CEP63: variants seen among roughly 807,000 people sequenced by gnomAD.
CEP63 encodes the protein centrosomal protein 63.
A neutral mutation model predicts 89.1 loss-of-function variants in CEP63; 84 were observed. The ratio of observed to expected loss-of-function variants is 0.94; its 90% CI spans 0.79 to 1.13. The LOEUF (loss-of-function observed/expected upper bound fraction) is 1.13. Among genes scored for constraint, CEP63 ranks in the 50% most tolerant of loss-of-function variants. The probability of loss-of-function intolerance (pLI) is 0.00; values close to 1 mark genes in which losing one functional copy is unlikely to be tolerated. For missense variants in CEP63, 838 were observed against 813.3 expected, an observed-to-expected ratio of 1.03 and a Z score of -0.37; for synonymous variants, 267 against 272.5, an observed-to-expected ratio of 0.98 and a Z score of 0.20.
chr3:134,651,328 T>C, the CEP63 span: 338 of 1,163,322 alleles, frequency 2.9e-4, no homozygotes, highest in African/African-American at 5.2e-3. Flanking sequence ...CTCCAGGGCT[T>C]CTCTGGCTGA....
chr3:134,532,753 A>T, intron 4 of CEP63, 25 bp from the exon 5 acceptor site: 1 of 1,581,114 alleles, frequency 6.3e-7, no homozygotes, highest in Non-Finnish European at 8.7e-7. Context: ...TTAAACTTTA[A>T]ATATAGAAAT....
intron 5 of CEP63, chr3:134,535,340 C>T (rs767369193): frequency 1.3e-5 from 2 of 152,266 alleles, no homozygotes; most frequent in East Asian, 1.9e-4. Flanking sequence ...CTCATCCTAC[C>T]TACAGCTTTG....
At chr3:134,644,115 G>A in the CEP63 span, among the ~76,000 whole-genome samples, 5 of 152,276 alleles carry the variant, frequency 3.3e-5, no homozygotes, top group East Asian at 5.8e-4. Context: ...GTGAGCCACC[G>A]CGCCCGGCCG....
chr3:134,726,688 C>T, the CEP63 span, among the ~76,000 whole-genome samples: 2 of 152,096 alleles, frequency 1.3e-5, no homozygotes, highest in East Asian at 1.9e-4. Context: ...GTCTTGGGAT[C>T]CCGGCCATGG....
At chr3:134,619,106 G>A in the CEP63 span, 1 of 1,492,434 alleles carries the variant, frequency 6.7e-7, no homozygotes, top group Non-Finnish European at 9.3e-7. Context: ...GAGGGAGAGG[G>A]ATGGGTCCGG....
chr3:134,543,675 T>A (rs1294711873), intron 6 of CEP63, among the ~76,000 whole-genome samples: 9 of 152,202 alleles, frequency 5.9e-5, no homozygotes, highest in African/African-American at 2.2e-4. Context: ...GAGTGCCCAT[T>A]TTGGCAGTGG....
chr3:134,629,608 G>T, the CEP63 span: 1 of 1,587,796 alleles, frequency 6.3e-7, no homozygotes, highest in Non-Finnish European at 8.6e-7. Flanking sequence ...ATGAGTACCT[G>T]TGTCATACAT....
chr3:134,686,631 T>C, the CEP63 span, among the ~76,000 whole-genome samples: 1 of 152,114 alleles, frequency 6.6e-6, no homozygotes, highest in African/African-American at 2.4e-5. Context: ...ACATCAGCAG[T>C]GGTAAGAAGG....
At chr3:134,711,834 C>T in the CEP63 span, among the ~76,000 whole-genome samples, 1 of 150,770 alleles carries the variant, frequency 6.6e-6, no homozygotes, top group African/African-American at 2.4e-5. Flanking sequence ...GCAATCTTGG[C>T]TCACTGTAAC....
chr3:134,664,794 G>A, the CEP63 span, among the ~76,000 whole-genome samples: 1 of 151,996 alleles, frequency 6.6e-6, no homozygotes, highest in Non-Finnish European at 1.5e-5. Context: ...TCTCATCTGA[G>A]TAATGGGTAT....
the CEP63 span, among the ~76,000 whole-genome samples, chr3:134,729,597 G>T: frequency 6.6e-6 from 1 of 152,122 alleles, no homozygotes; most frequent in Admixed American, 6.6e-5. Flanking sequence ...TATGAAGTTT[G>T]CATTTTTCCC....
the CEP63 span, among the ~76,000 whole-genome samples, chr3:134,704,844 G>A: frequency 6.6e-6 from 1 of 152,246 alleles, no homozygotes; most frequent in African/African-American, 2.4e-5. Flanking sequence ...ATGGCTTGTT[G>A]AAGAGGTGGG....
At chr3:134,620,885 T>A in the CEP63 span, 32 of 1,444,680 alleles carry the variant, frequency 2.2e-5, no homozygotes, top group African/African-American at 3.9e-4. Context: ...TGTGCTGTAT[T>A]AGGGCCTCGA....
the CEP63 span, among the ~76,000 whole-genome samples, chr3:134,698,823 C>G: frequency 6.6e-6 from 1 of 152,206 alleles, no homozygotes; most frequent in Admixed American, 6.5e-5. Flanking sequence ...CTTCATTCAT[C>G]CATCGTTTCA....
intron 1 of CEP63, among the ~76,000 whole-genome samples, chr3:134,493,984 T>C (rs1938699710): frequency 6.6e-6 from 1 of 152,180 alleles, no homozygotes; most frequent in South Asian, 2.1e-4. Context: ...GAAGATTTAT[T>C]ATAAAAGGCG....
At chr3:134,532,049 C>T (rs1384316772) in intron 4 of CEP63, 109 bp downstream of exon 4, 6 of 693,678 alleles carry the variant, frequency 8.6e-6, no homozygotes, top group Non-Finnish European at 1.5e-5. Context: ...GAAATACATA[C>T]TCCATCAAAG....
chr3:134,501,333 A>G (rs949530798), intron 2 of CEP63, among the ~76,000 whole-genome samples: 2 of 152,190 alleles, frequency 1.3e-5, no homozygotes, highest in Admixed American at 1.3e-4. Context: ...TTGGTTCCAT[A>G]TGAATTTTAA....
the CEP63 span, among the ~76,000 whole-genome samples, chr3:134,760,252 GGTTTCACTGT>G: frequency 3.3e-5 from 5 of 152,044 alleles, no homozygotes; most frequent in East Asian, 9.7e-4. Context: ...GTAGAGACGG[GGTTTCACTGT>G]GTTAGCCAGG....
At chr3:134,702,031 T>C in the CEP63 span, among the ~76,000 whole-genome samples, 1 of 152,010 alleles carries the variant, frequency 6.6e-6, no homozygotes, top group Non-Finnish European at 1.5e-5. Context: ...GAGGGACAAA[T>C]CAATGTGCAA....
Sources: allele counts gnomAD v4.1 joint callset (sites outside exome capture counted in the v4.1 genomes callset), GRCh38; gene constraint gnomAD v4.1.1; transcripts MANE v1.5; gene names NCBI Gene and HGNC (gene_info 2026-07-23, HGNC 2026-07-21).